Variants in UMODL1 observed in about 807,000 individuals in gnomAD.
The protein encoded by UMODL1 is uromodulin-like 1.
A neutral mutation model predicts 136.3 loss-of-function variants in UMODL1; 128 were observed. That is an observed-to-expected ratio of 0.94 (90% CI 0.81 to 1.09). UMODL1 has a LOEUF of 1.09. Among genes scored for constraint, UMODL1 ranks in the 50% least tolerant of loss-of-function variants. The pLI, the probability that UMODL1 is intolerant of heterozygous loss-of-function variation, is 0.00. For synonymous variants in UMODL1, 721 were observed against 720.0 expected (o/e 1.00, Z -0.02); for missense variants, 1,766 against 1,725.6 (o/e 1.02, Z -0.41).
In UMODL1 at chr21:42,105,537, C is replaced by T. The variant is rs149215565; in HGVS notation, c.1519+1450C>T. ...TTTAGAATAAGGGTGTTTGCAGACA[C>T]GATTAAGTTAAGGATGTCAAGATGA... On this transcript the variant is annotated intron_variant, in intron 9 of 22. Coordinates refer to ENST00000408910, the MANE Select transcript of UMODL1 (RefSeq NM_001004416.3). 9.6e-3 allele frequency among the ~76,000 whole-genome samples: 1,462 copies of T among 152,282 alleles called. 20 individuals carry two copies. Among genetic ancestry groups the T allele is most frequent in the Non-Finnish European group, 0.016 (1,120 of 68,018 alleles).
In UMODL1 at chr21:42,123,641, G is replaced by A. The variant is rs200556789; in HGVS notation, c.3147+491G>A. 7.2e-5 allele frequency among the ~76,000 whole-genome samples: 11 copies of A among 151,868 alleles called. No homozygotes were observed. In the East Asian group the frequency reaches 2.1e-3, roughly 29 times the overall value. ...GCTGTGCTTATATGTACGTGCGTGTGTGTGTGCATGTGTATCGCGTGCTTG... is the reference window on the plus strand; with the variant it reads ...GCTGTGCTTATATGTACGTGCGTGTATGTGTGCATGTGTATCGCGTGCTTG... On this transcript the variant is annotated intron_variant, in intron 17 of 22. Coordinates refer to ENST00000408910, the MANE Select transcript of UMODL1 (RefSeq NM_001004416.3). This position sits in a 1 kb window ranked among gnomAD's most constrained non-coding sequence, Gnocchi z 4.4.
chr21:42,108,823 G>A (rs2066762720), intron 9 of UMODL1, among the ~76,000 whole-genome samples: 2 of 151,478 alleles, frequency 1.3e-5, no homozygotes, highest in Non-Finnish European at 2.9e-5. Context: ...ACACCCGGGT[G>A]CTCTAGAATA....
chr21:42,078,697 G>A (rs2925131), intron 2 of UMODL1, among the ~76,000 whole-genome samples: 5,779 of 79,898 alleles, frequency 0.072, 41 homozygotes, highest in South Asian at 0.12. Flanking sequence ...GAAACCAGGC[G>A]GGGCCAGCTG....
In UMODL1 at chr21:42,109,471, G is replaced by A. The variant is rs556224134; in HGVS notation, c.1520-91G>A. On this transcript the variant is annotated intron_variant, in intron 9 of 22. Transcript: ENST00000408910. ...GCTCCCGGCCGTTCACTGCAAAGAC[G>A]GCTAGGAAGGACTCCTTCCAGCATG... is the stretch of plus-strand genomic sequence containing the variant. 4.4e-4 allele frequency: 679 copies of A among 1,555,194 alleles called. 3 individuals are homozygous for A. The South Asian group carries it at 7.2e-3, about 17-fold the overall frequency.
chr21:42,137,208 C>G (rs1161962701), intron 21 of UMODL1, among the ~76,000 whole-genome samples: 1 of 152,252 alleles, frequency 6.6e-6, no homozygotes, highest in East Asian at 1.9e-4. Flanking sequence ...TCCCGCGCAG[C>G]CCCACCCTCA....
At chr21:42,092,159 G>T (rs549527476) in intron 6 of UMODL1, among the ~76,000 whole-genome samples, 51 of 152,340 alleles carry the variant, frequency 3.3e-4, no homozygotes, top group African/African-American at 1.2e-3. Flanking sequence ...AAGGGAAGCA[G>T]CCAGCAGCCC....
At chr21:42,102,480 G>C (rs1026836145) in intron 8 of UMODL1, 4 of 458,460 alleles carry the variant, frequency 8.7e-6, no homozygotes, top group African/African-American at 3.9e-5. Context: ...ACTTAATCCA[G>C]ATACTGGGCC....
At chr21:42,112,148 C>T (rs182556868) in intron 12 of UMODL1, among the ~76,000 whole-genome samples, 6 of 152,002 alleles carry the variant, frequency 3.9e-5, no homozygotes, top group Non-Finnish European at 4.4e-5. Flanking sequence ...GCTGCACTCC[C>T]ATAGCTGTTC....
At chr21:42,066,278 C>CTTTA (rs747266910) in intron 1 of UMODL1, among the ~76,000 whole-genome samples, 3 of 152,124 alleles carry the variant, frequency 2.0e-5, no homozygotes, top group Non-Finnish European at 4.4e-5. Context: ...GAGCATTACT[C>CTTTA]TTTATTTATT....
intron 2 of UMODL1, among the ~76,000 whole-genome samples, chr21:42,081,568 C>A (rs1045254214): frequency 4.6e-5 from 7 of 152,140 alleles, no homozygotes; most frequent in Non-Finnish European, 7.3e-5. Context: ...TAAAAACACG[C>A]CTCTGGTGAT....
intron 17 of UMODL1, among the ~76,000 whole-genome samples, chr21:42,125,777 T>C (rs2067044611): frequency 6.6e-6 from 1 of 152,096 alleles, no homozygotes; most frequent in Non-Finnish European, 1.5e-5. Flanking sequence ...CTTGCAGGGC[T>C]GCGGGGCCAA....
intron 15 of UMODL1, chr21:42,120,570 T>C (rs1298949509): frequency 6.6e-6 from 1 of 152,532 alleles, no homozygotes; most frequent in East Asian, 1.9e-4. Context: ...TCTCAGAGCA[T>C]GCCTGCATTT....
chr21:42,108,162 A>G (rs577271134), intron 9 of UMODL1: 53 of 401,028 alleles, frequency 1.3e-4, no homozygotes, highest in African/African-American at 7.2e-4. Flanking sequence ...GTGAATCACC[A>G]CGCCCCAAAA....
intron 8 of UMODL1, chr21:42,103,332 C>T: frequency 4.3e-6 from 1 of 232,760 alleles, no homozygotes. Context: ...AATGTTAACT[C>T]ACTTGTGTGT....
At chr21:42,067,375 C>T (rs1446289574), upstream of UMODL1, among the ~76,000 whole-genome samples, 3 of 152,136 alleles carry the variant, frequency 2.0e-5, no homozygotes, top group Non-Finnish European at 4.4e-5. Context: ...AGAAGGCATT[C>T]CCATACATTA....
rs561242862 is a variant in UMODL1, at chr21:42,089,151, C to T, written c.790+671C>T. 4.6e-5 allele frequency among the ~76,000 whole-genome samples: 7 copies of T among 152,256 alleles called. No homozygotes were observed. In the South Asian group the frequency reaches 1.5e-3, roughly 32 times the overall value. On this transcript the variant is annotated intron_variant, in intron 5 of 22. Coordinates refer to ENST00000408910, the MANE Select transcript of UMODL1 (RefSeq NM_001004416.3). ...GCCCTGCTGTTGTAGTAGTCACAGA[C>T]AGTCCGCAAGCAAACCCCTGGGCTC...
rs545067077 is a variant in UMODL1 at position 42,125,902 on chromosome 21, G to A, written c.3148-443G>A. On this transcript the variant is annotated intron_variant, in intron 17 of 22. Transcript: ENST00000408910. ...AGGACTGGGGCCCTGGGCAGAGCCT[G>A]CAGCCGGCAGCTCCCTCTGTGTTTT... Among the ~76,000 whole-genome samples the A allele has an allele frequency of 6.4e-4, 97 of 152,334 alleles. 1 individual carries two copies. The South Asian group carries it at 0.02, about 31-fold the overall frequency.
intron 1 of UMODL1, among the ~76,000 whole-genome samples, chr21:42,066,270 G>A (rs1288986197): frequency 6.6e-6 from 1 of 152,174 alleles, no homozygotes; most frequent in Non-Finnish European, 1.5e-5. Context: ...TTTTCTCTGA[G>A]CATTACTCTT....
At position 42,090,404 on chromosome 21, in the gene UMODL1, C is replaced by G. The variant is rs2839464; in HGVS notation, c.897C>G (p.Ala299=). ...YWCVCHQEAP[A]TSPRKLNLEW... is the part of the protein sequence containing the mutation. Reference sequence around the variant, plus strand: ...GCGTCTGTCACCAGGAAGCTCCAGCCACGTCTCCACGGAAGCTGAACCTGG... The same window carrying G: ...GCGTCTGTCACCAGGAAGCTCCAGCGACGTCTCCACGGAAGCTGAACCTGG... Residue 299 remains alanine (A), a synonymous_variant, in exon 6 of 23, where the codon GCC becomes GCG. Transcript: ENST00000408910. The G allele has an allele frequency of 0.28, 456,488 of 1,613,722 alleles. 67,529 individuals carry two copies. Among genetic ancestry groups the G allele is most frequent in the African/African-American group, 0.45 (33,590 of 74,906 alleles).
Sources: allele counts gnomAD v4.1 joint callset (sites outside exome capture counted in the v4.1 genomes callset), GRCh38; gene constraint gnomAD v4.1.1; non-coding constraint Gnocchi (gnomAD v3.1); transcripts MANE v1.5; gene names NCBI Gene and HGNC (gene_info 2026-07-23, HGNC 2026-07-21).